Variants in ROBO1 observed in about 807,000 individuals in gnomAD.
The protein encoded by ROBO1 is roundabout homolog 1.
In ROBO1, 149 loss-of-function variants were observed where a neutral mutation model predicts 195.9. That is an observed-to-expected ratio of 0.76 (90% CI 0.67 to 0.87). The LOEUF (loss-of-function observed/expected upper bound fraction) is 0.87. Among genes scored for constraint, ROBO1 ranks in the 40% least tolerant of loss-of-function variants. ROBO1 has a pLI of 0.00. For synonymous variants in ROBO1, 816 were observed against 733.2 expected (o/e 1.11, Z -1.82); for missense variants, 1,933 against 2,068.3 (o/e 0.93, Z 1.27).
intron 1 of ROBO1, among the ~76,000 whole-genome samples, chr3:79,614,444 T>G (rs1265939057): frequency 6.6e-6 from 1 of 152,054 alleles, no homozygotes. Flanking sequence ...ACATACAAAT[T>G]CATGGAATGC....
At chr3:79,134,120 AT>A (rs1181774518) in intron 2 of ROBO1, among the ~76,000 whole-genome samples, 9 of 145,252 alleles carry the variant, frequency 6.2e-5, no homozygotes, top group African/African-American at 2.3e-4. Context: ...ATGGGAGAAA[AT>A]TTTCGCAACC....
At chr3:78,967,885 G>C (rs750531024) in intron 3 of ROBO1, among the ~76,000 whole-genome samples, 1 of 151,894 alleles carries the variant, frequency 6.6e-6, no homozygotes, top group Non-Finnish European at 1.5e-5. Flanking sequence ...TTTTCAAACT[G>C]GCTATATAGT....
At chr3:78,791,679 T>C (rs1559860643) in intron 4 of ROBO1, among the ~76,000 whole-genome samples, 1 of 152,206 alleles carries the variant, frequency 6.6e-6, no homozygotes, top group Non-Finnish European at 1.5e-5. Context: ...TGTGTGCTAT[T>C]GAGCTTGTCA....
At chr3:78,715,874 C>A (rs945207803) in intron 7 of ROBO1, among the ~76,000 whole-genome samples, 1 of 152,152 alleles carries the variant, frequency 6.6e-6, no homozygotes, top group African/African-American at 2.4e-5. Context: ...CCTATCTATA[C>A]TAACACTCTT....
intron 2 of ROBO1, among the ~76,000 whole-genome samples, chr3:79,560,558 T>TATATCTATATATATATATAC (rs5850439): frequency 7.7e-6 from 1 of 129,702 alleles, no homozygotes; most frequent in African/African-American, 3.0e-5. Flanking sequence ...TATATATATA[T>TATATCTATATATATATATAC]ACACATACAC....
chr3:78,771,237 T>G (rs1390262314), intron 4 of ROBO1, among the ~76,000 whole-genome samples: 1 of 152,164 alleles, frequency 6.6e-6, no homozygotes, highest in East Asian at 1.9e-4. Context: ...GGTTCTCTAT[T>G]CCATTGCACT....
At position 79,270,514 on chromosome 3, in the gene ROBO1, G is replaced by GT. The variant is rs771543589; in HGVS notation, c.89-144976dup. ...TTTATGCATGCCCTAGCTAAAGGCA[G>GT]TTTTTTTTTTCCCCCAGGCTGCACC... On this transcript the variant is annotated intron_variant, in intron 2 of 30. Transcript: ENST00000464233. Among the ~76,000 whole-genome samples the GT allele has an allele frequency of 8.3e-3, 1,232 of 148,800 alleles. 3 individuals carry two copies. Among genetic ancestry groups the GT allele is most frequent in the African/African-American group, 0.012 (506 of 40,738 alleles).
At chr3:79,442,158 T>G (rs746375799) in intron 2 of ROBO1, among the ~76,000 whole-genome samples, 3 of 152,180 alleles carry the variant, frequency 2.0e-5, no homozygotes, top group Non-Finnish European at 2.9e-5. Context: ...AATCTGTCCT[T>G]AGCTTTACAT....
At chr3:79,467,363 G>C (rs1277837724) in intron 2 of ROBO1, among the ~76,000 whole-genome samples, 2 of 151,824 alleles carry the variant, frequency 1.3e-5, no homozygotes, top group Non-Finnish European at 2.9e-5. Context: ...AGCCCTAAAT[G>C]AGAAGAGACA....
At chr3:79,332,723 A>G (rs987260387) in intron 2 of ROBO1, among the ~76,000 whole-genome samples, 11 of 152,194 alleles carry the variant, frequency 7.2e-5, no homozygotes, top group South Asian at 2.1e-4. Context: ...GCATCACTCA[A>G]AGTGATCTTT....
At chr3:79,614,736 T>C (rs1944766432) in intron 1 of ROBO1, among the ~76,000 whole-genome samples, 1 of 152,130 alleles carries the variant, frequency 6.6e-6, no homozygotes, top group African/African-American at 2.4e-5. Context: ...GTTCCATTGA[T>C]CACAAGACTC....
intron 4 of ROBO1, among the ~76,000 whole-genome samples, chr3:78,821,171 T>A (rs531666374): frequency 4.9e-4 from 73 of 148,802 alleles, no homozygotes; most frequent in Middle Eastern, 3.4e-3. Flanking sequence ...ATTTTTTTTT[T>A]TTTTTTTTTT....
Position 79,600,356 on chromosome 3 carries a change from G to A in ROBO1, c.-50-10395C>T, listed in dbSNP as rs149465713. 1.5e-4 allele frequency among the ~76,000 whole-genome samples: 23 copies of A among 152,090 alleles called. No individual in the cohort carries two copies. In the South Asian group the frequency reaches 4.1e-3, roughly 27 times the overall value. On this transcript the variant is annotated intron_variant, in intron 1 of 30. Coordinates refer to ENST00000464233, the MANE Select transcript of ROBO1 (RefSeq NM_002941.4). The stretch of plus-strand genomic sequence containing the variant: ...AAAACGCTTGAACATTGGTTTGGTC[G>A]AAGAGAAGTTAAACATGAAGCTGGT...
At chr3:79,493,571 G>T (rs896386764) in intron 2 of ROBO1, among the ~76,000 whole-genome samples, 1 of 151,806 alleles carries the variant, frequency 6.6e-6, no homozygotes, top group Admixed American at 6.6e-5. Flanking sequence ...GGTTAGTTAG[G>T]TGTTCATTTT....
intron 2 of ROBO1, among the ~76,000 whole-genome samples, chr3:79,466,585 C>T (rs1937971292): frequency 6.6e-6 from 1 of 151,888 alleles, no homozygotes; most frequent in South Asian, 2.1e-4. Context: ...CCTGATATAT[C>T]CACCTAATTA....
At chr3:79,680,659 G>C (rs957514417) in intron 1 of ROBO1, among the ~76,000 whole-genome samples, 1 of 152,034 alleles carries the variant, frequency 6.6e-6, no homozygotes, top group Admixed American at 6.6e-5. Context: ...GATGATGACA[G>C]TCATATTTAA....
At chr3:79,676,108 G>A (rs943475458) in intron 1 of ROBO1, among the ~76,000 whole-genome samples, 1 of 151,978 alleles carries the variant, frequency 6.6e-6, no homozygotes, top group Non-Finnish European at 1.5e-5. Flanking sequence ...CGAACCTTGT[G>A]ACTGGGGAGG....
chr3:79,160,376 A>T (rs1359050268), intron 2 of ROBO1, among the ~76,000 whole-genome samples: 4 of 152,008 alleles, frequency 2.6e-5, no homozygotes, highest in Non-Finnish European at 5.9e-5. Flanking sequence ...AAAATAAAGA[A>T]TGCCAAATTT....
chr3:78,831,684 T>C (rs566533555), intron 4 of ROBO1, among the ~76,000 whole-genome samples: 16 of 152,316 alleles, frequency 1.1e-4, no homozygotes, highest in Admixed American at 2.0e-4. Context: ...CATAAAGATG[T>C]ACCCAAGACT....
Sources: gnomAD v4.1 joint callset for allele counts (sites outside exome capture counted in the v4.1 genomes callset) on GRCh38, gnomAD v4.1.1 for gene constraint, MANE v1.5 for transcripts, NCBI Gene and HGNC (gene_info 2026-07-23, HGNC 2026-07-21) for gene names.